KLHDC1: variants seen among roughly 807,000 people sequenced by gnomAD.
The protein encoded by KLHDC1 is kelch domain containing 1.
KLHDC1 carries 53 observed loss-of-function variants against 68.3 expected under a neutral mutation model. The ratio of observed to expected loss-of-function variants is 0.78; its 90% CI spans 0.62 to 0.98. The LOEUF is 0.98. KLHDC1 is among the 50% of genes least tolerant of loss of function. KLHDC1 has a pLI of 0.00. For missense variants in KLHDC1, 470 were observed against 492.3 expected (o/e 0.95, Z 0.43); for synonymous variants, 148 against 159.0 (o/e 0.93, Z 0.52).
intron 12 of KLHDC1, among the ~76,000 whole-genome samples, chr14:49,748,837 G>T (rs1889258079): frequency 6.7e-6 from 1 of 150,236 alleles, no homozygotes; most frequent in African/African-American, 2.5e-5. Flanking sequence ...GTCTCACTCT[G>T]TCACCAAGGC....
At chr14:49,711,910 CTTTTTT>C (rs992092493) in intron 4 of KLHDC1, among the ~76,000 whole-genome samples, 60 of 76,610 alleles carry the variant, frequency 7.8e-4, no homozygotes, top group African/African-American at 2.8e-3. Context: ...TTTTCTTTTT[CTTTTTT>C]TTTTTTTTTT....
chr14:49,744,002 A>G (rs1889131433), intron 12 of KLHDC1, among the ~76,000 whole-genome samples, 197 bp downstream of exon 12: 1 of 152,138 alleles, frequency 6.6e-6, no homozygotes, highest in Non-Finnish European at 1.5e-5. Flanking sequence ...TAAAATATAC[A>G]TGCGTGGCGT....
intron 1 of KLHDC1, among the ~76,000 whole-genome samples, chr14:49,700,489 T>G (rs1182818048): frequency 6.6e-6 from 1 of 151,978 alleles, no homozygotes; most frequent in Non-Finnish European, 1.5e-5. Context: ...GAGACTGAGG[T>G]GGGAGGATCA....
intron 1 of KLHDC1, among the ~76,000 whole-genome samples, chr14:49,699,761 A>G (rs970232281): frequency 6.6e-6 from 1 of 152,216 alleles, no homozygotes; most frequent in Non-Finnish European, 1.5e-5. Flanking sequence ...GGTAAGAGTG[A>G]TAATATCAAA....
chr14:49,712,128 C>T (rs554693707), intron 4 of KLHDC1, among the ~76,000 whole-genome samples: 255 of 151,930 alleles, frequency 1.7e-3, no homozygotes, highest in African/African-American at 5.6e-3. Flanking sequence ...CCATGTTAGC[C>T]AGGATGGTCT....
intron 1 of KLHDC1, among the ~76,000 whole-genome samples, chr14:49,697,236 G>A (rs1197602353): frequency 1.3e-5 from 2 of 152,124 alleles, no homozygotes; most frequent in Admixed American, 1.3e-4. Context: ...TGCCTGGCAA[G>A]GCCTACTTTC....
chr14:49,736,771 C>G (rs999456531), intron 10 of KLHDC1, among the ~76,000 whole-genome samples: 1 of 152,164 alleles, frequency 6.6e-6, no homozygotes, highest in Non-Finnish European at 1.5e-5. Flanking sequence ...GCATCCCTGT[C>G]CTTTACCCAG....
At chr14:49,736,026 G>A (rs1299611304) in intron 10 of KLHDC1, among the ~76,000 whole-genome samples, 1 of 152,116 alleles carries the variant, frequency 6.6e-6, no homozygotes, top group Non-Finnish European at 1.5e-5. Context: ...AAAAAAGAAA[G>A]AAAGAAACTG....
intron 11 of KLHDC1, among the ~76,000 whole-genome samples, chr14:49,741,525 T>G (rs1293741123): frequency 6.6e-6 from 1 of 152,060 alleles, no homozygotes; most frequent in Non-Finnish European, 1.5e-5. Context: ...CAGGCTGGTC[T>G]TGAACTCCTG....
At chr14:49,736,901 A>G (rs1888942428) in intron 10 of KLHDC1, among the ~76,000 whole-genome samples, 1 of 152,244 alleles carries the variant, frequency 6.6e-6, no homozygotes, top group Admixed American at 6.5e-5. Context: ...ACTGTTCTAC[A>G]GTGTAGCACT....
chr14:49,726,233 A>G (rs1362505131), intron 6 of KLHDC1, among the ~76,000 whole-genome samples: 1 of 152,158 alleles, frequency 6.6e-6, no homozygotes, highest in East Asian at 1.9e-4. Context: ...CATTAAGAAA[A>G]ACATCAGAAC....
intron 1 of KLHDC1, among the ~76,000 whole-genome samples, chr14:49,705,942 C>G (rs1244916507): frequency 2.6e-5 from 4 of 152,176 alleles, no homozygotes; most frequent in Non-Finnish European, 5.9e-5. Context: ...ATAGTCACAT[C>G]ATATAAAATG....
At chr14:49,751,511 G>C in intron 12 of KLHDC1, 75 bp from the exon 13 acceptor site, 1 of 707,672 alleles carries the variant, frequency 1.4e-6, no homozygotes. Flanking sequence ...AAAAAAGAAA[G>C]AATTCTTAAC....
chr14:49,704,730 G>T (rs903211531), intron 1 of KLHDC1, among the ~76,000 whole-genome samples: 6 of 152,076 alleles, frequency 3.9e-5, no homozygotes, highest in African/African-American at 7.2e-5. Flanking sequence ...CTAGAAACAG[G>T]AAGAAAAGGA....
chr14:49,693,748 C>CTTTTTCTTTTTTTTTTTTTTTTTTTTT (rs1555337323), intron 1 of KLHDC1, among the ~76,000 whole-genome samples: 4 of 61,560 alleles, frequency 6.5e-5, no homozygotes, highest in South Asian at 1.0e-3. Flanking sequence ...TTTTCTTTTT[C>CTTTTTCTTTTTTTTTTTTTTTTTTTTT]TTTTTTTTTT....
intron 12 of KLHDC1, among the ~76,000 whole-genome samples, chr14:49,748,552 G>A (rs1351460305): frequency 6.6e-6 from 1 of 152,016 alleles, no homozygotes; most frequent in Non-Finnish European, 1.5e-5. Flanking sequence ...ATATCGTCTA[G>A]TAGATTTGTG....
At chr14:49,740,955 G>GT (rs1889050895) in intron 11 of KLHDC1, among the ~76,000 whole-genome samples, 1 of 152,024 alleles carries the variant, frequency 6.6e-6, no homozygotes, top group South Asian at 2.1e-4. Flanking sequence ...TGACCCAGGT[G>GT]TGGAGGTGCA....
chr14:49,709,483 C>T (rs571229413), intron 2 of KLHDC1, among the ~76,000 whole-genome samples: 75 of 151,930 alleles, frequency 4.9e-4, no homozygotes, highest in African/African-American at 1.7e-3. Flanking sequence ...TGCAAATTTC[C>T]AGTTCTAGTG....
At chr14:49,728,313 ACT>A (rs1888721332) in intron 6 of KLHDC1, among the ~76,000 whole-genome samples, 2 of 152,232 alleles carry the variant, frequency 1.3e-5, no homozygotes, top group South Asian at 2.1e-4. Context: ...ACAGAGCAAG[ACT>A]CTGCCTTGAA....
Sources: allele counts gnomAD v4.1 joint callset (sites outside exome capture counted in the v4.1 genomes callset), GRCh38; gene constraint gnomAD v4.1.1; transcripts MANE v1.5; gene names NCBI Gene and HGNC (gene_info 2026-07-23, HGNC 2026-07-21).